SDC2: variants seen among roughly 807,000 people sequenced by gnomAD.
The protein encoded by SDC2 is syndecan-2.
Under a neutral mutation model 22.2 loss-of-function variants are expected in SDC2, and 13 were observed. The ratio of observed to expected loss-of-function variants is 0.59; its 90% confidence interval spans 0.38 to 0.93. The LOEUF is 0.93. Ranked by LOEUF, SDC2 falls within the 40% of genes least tolerant of loss-of-function variation. The pLI, the probability that SDC2 is intolerant of heterozygous loss-of-function variation, is 0.00. For missense variants in SDC2, 235 were observed against 246.8 expected (o/e 0.95, Z 0.32); for synonymous variants, 94 against 92.8 (o/e 1.01, Z -0.07).
At chr8:96,527,693 A>T (rs1183992124) in intron 1 of SDC2, among the ~76,000 whole-genome samples, 3 of 152,184 alleles carry the variant, frequency 2.0e-5, no homozygotes, top group African/African-American at 4.8e-5. Flanking sequence ...CTGGGAATCA[A>T]CATATTTGGG....
chr8:96,573,977 A>G (rs1814445040), intron 1 of SDC2, among the ~76,000 whole-genome samples: 1 of 151,396 alleles, frequency 6.6e-6, no homozygotes, highest in Non-Finnish European at 1.5e-5. Flanking sequence ...GGTGCCCTAA[A>G]TGCCCGCATT....
At chr8:96,533,534 T>A (rs555473610) in intron 1 of SDC2, among the ~76,000 whole-genome samples, 1 of 151,632 alleles carries the variant, frequency 6.6e-6, no homozygotes, top group Non-Finnish European at 1.5e-5. Context: ...TAGCTAGACG[T>A]AAAGGTTCTC....
intron 1 of SDC2, among the ~76,000 whole-genome samples, chr8:96,514,680 A>G (rs1813375861): frequency 6.6e-6 from 1 of 152,030 alleles, no homozygotes; most frequent in African/African-American, 2.4e-5. Flanking sequence ...TGGTTTTGGG[A>G]TGAAACTGTT....
intron 1 of SDC2, among the ~76,000 whole-genome samples, chr8:96,556,261 G>A (rs1250508434): frequency 3.9e-5 from 6 of 152,066 alleles, no homozygotes; most frequent in Non-Finnish European, 8.8e-5. Flanking sequence ...GTTTATCAGA[G>A]AATGAAACGA....
intron 1 of SDC2, among the ~76,000 whole-genome samples, chr8:96,494,850 G>A (rs947812645): frequency 6.6e-6 from 1 of 152,166 alleles, no homozygotes; most frequent in African/African-American, 2.4e-5. Flanking sequence ...TAAGAGACCC[G>A]CGAGTGTCCA....
intron 1 of SDC2, among the ~76,000 whole-genome samples, chr8:96,566,400 G>A (rs1814299522): frequency 6.6e-6 from 1 of 152,116 alleles, no homozygotes; most frequent in African/African-American, 2.4e-5. Context: ...TGATAGCTCT[G>A]GAAACAAACA....
intron 1 of SDC2, among the ~76,000 whole-genome samples, chr8:96,534,600 AT>A (rs910444756): frequency 4.7e-5 from 7 of 148,820 alleles, no homozygotes; most frequent in South Asian, 2.1e-4. Flanking sequence ...ATACCTGGCT[AT>A]TTTTTTTTTA....
At chr8:96,536,548 C>G (rs552960633) in intron 1 of SDC2, among the ~76,000 whole-genome samples, 2 of 152,310 alleles carry the variant, frequency 1.3e-5, no homozygotes, top group Admixed American at 6.5e-5. Flanking sequence ...TCTCCAACTC[C>G]TGGACTCAAG....
chr8:96,517,527 C>T (rs142744930), intron 1 of SDC2, among the ~76,000 whole-genome samples: 48 of 152,124 alleles, frequency 3.2e-4, no homozygotes, highest in African/African-American at 1.1e-3. Context: ...GGTTGGGGTA[C>T]AGTTTATTTT....
At chr8:96,527,897 A>G (rs1242366335) in intron 1 of SDC2, among the ~76,000 whole-genome samples, 1 of 152,210 alleles carries the variant, frequency 6.6e-6, no homozygotes, top group East Asian at 1.9e-4. Flanking sequence ...ACATTATATC[A>G]TATATCTACA....
chr8:96,569,224 G>T (rs895540529), intron 1 of SDC2, among the ~76,000 whole-genome samples: 3 of 152,176 alleles, frequency 2.0e-5, no homozygotes, highest in East Asian at 1.9e-4. Flanking sequence ...GCTCAGGCTG[G>T]TGTTGAACTC....
intron 1 of SDC2, among the ~76,000 whole-genome samples, chr8:96,533,664 T>C (rs1054108463): frequency 1.3e-5 from 2 of 152,298 alleles, no homozygotes; most frequent in Admixed American, 6.5e-5. Context: ...AGAGTGCTGA[T>C]TGGGGCATTT....
intron 1 of SDC2, among the ~76,000 whole-genome samples, chr8:96,589,755 A>G (rs1002443968): frequency 2.6e-4 from 39 of 152,176 alleles, no homozygotes; most frequent in Non-Finnish European, 5.9e-5. Context: ...CAGGGAGCCA[A>G]TAAAGGCAGG....
At chr8:96,538,270 T>A (rs1223598592) in intron 1 of SDC2, among the ~76,000 whole-genome samples, 1 of 152,188 alleles carries the variant, frequency 6.6e-6, no homozygotes, top group African/African-American at 2.4e-5. Context: ...AAAGCTTGTG[T>A]TATATATTGG....
At chr8:96,605,980 C>T (rs898814025) in intron 3 of SDC2, among the ~76,000 whole-genome samples, 2 of 152,114 alleles carry the variant, frequency 1.3e-5, no homozygotes, top group African/African-American at 2.4e-5. Context: ...ACTAGCAGGC[C>T]GCCATTTTGG....
rs148916701 is a variant in SDC2, at chr8:96,558,603, A to C, written c.61-34877A>C. ...CTCTATAAATTGATATCTGTTTCTG[A>C]AGCATCTTAATGAATCAAAGCTTTG... On this transcript the variant is annotated intron_variant, in intron 1 of 4. Transcript: ENST00000302190. Among the ~76,000 whole-genome samples the C allele has an allele frequency of 1.5e-3, 234 of 152,298 alleles. 1 individual carries two copies. The highest frequency in any genetic ancestry group is 5.4e-3 in the African/African-American group (226 of 41,574).
chr8:96,608,800 T>C (rs1815128030), intron 4 of SDC2, among the ~76,000 whole-genome samples: 1 of 152,204 alleles, frequency 6.6e-6, no homozygotes, highest in South Asian at 2.1e-4. Context: ...ACAGGCATTC[T>C]ACATTTCAAA....
chr8:96,544,990 G>A (rs887915742), intron 1 of SDC2, among the ~76,000 whole-genome samples: 1 of 152,224 alleles, frequency 6.6e-6, no homozygotes, highest in Non-Finnish European at 1.5e-5. Context: ...CTGTGAAGAA[G>A]TGCAGAGTTG....
At position 96,609,628 on chromosome 8, in the gene SDC2, T is replaced by A; in HGVS notation, c.*80T>A. 2 of 1,032,820 alleles carry A rather than the reference T, an allele frequency of 1.9e-6. No homozygotes were observed. The highest frequency in any genetic ancestry group is 1.3e-6 in the Non-Finnish European group (1 of 756,156). 64.0% of individuals were successfully genotyped at this position (1,032,820 alleles called of 1,614,324 possible). A position where few individuals can be genotyped will look rare whatever the true frequency, so the allele number is the denominator to read the frequency against. On this transcript the variant is annotated 3_prime_UTR_variant, in exon 5 of 5. Transcript: ENST00000302190. ...TTTTGCATAGAATAATGAAGATCTT[T>A]GTTTTTTGTTTTCATTAAAGAGCCA...
Sources: gnomAD v4.1 joint callset for allele counts (sites outside exome capture counted in the v4.1 genomes callset) on GRCh38, gnomAD v4.1.1 for gene constraint, MANE v1.5 for transcripts, NCBI Gene and HGNC (gene_info 2026-07-23, HGNC 2026-07-21) for gene names.